The following ARHGAP28 variants were observed in gnomAD, a reference collection of about 807,000 sequenced individuals.
The protein encoded by ARHGAP28 is Rho GTPase activating protein 28.
A neutral mutation model predicts 90.7 loss-of-function variants in ARHGAP28; 56 were observed. That is an observed-to-expected ratio of 0.62 (90% confidence interval 0.50 to 0.77). ARHGAP28 has a LOEUF of 0.77. ARHGAP28 is among the 30% of genes least tolerant of loss of function. The pLI, the probability that ARHGAP28 is intolerant of heterozygous loss-of-function variation, is 0.00. For synonymous variants in ARHGAP28, 308 were observed against 323.3 expected, an observed-to-expected ratio of 0.95 and a Z score of 0.51; for missense variants, 869 against 900.9, an observed-to-expected ratio of 0.96 and a Z score of 0.45.
At chr18:6,853,750 C>T (rs2056929324) in intron 4 of ARHGAP28, among the ~76,000 whole-genome samples, 2 of 152,188 alleles carry the variant, frequency 1.3e-5, no homozygotes, top group South Asian at 4.1e-4. Context: ...CCTGGGATTA[C>T]AGGCATAAGC....
chr18:6,811,566 C>T (rs1313864345), intron 1 of ARHGAP28, among the ~76,000 whole-genome samples: 2 of 152,136 alleles, frequency 1.3e-5, no homozygotes, highest in Non-Finnish European at 1.5e-5. Context: ...CTTAACTAGT[C>T]GTGTTCACTG....
intron 3 of ARHGAP28, among the ~76,000 whole-genome samples, chr18:6,845,656 T>A (rs1166049542): frequency 6.6e-6 from 1 of 152,186 alleles, no homozygotes. Context: ...CTCCCACTTA[T>A]AAGTGAGAAC....
At chr18:6,863,800 T>G (rs867961837) in intron 5 of ARHGAP28, among the ~76,000 whole-genome samples, 2 of 151,604 alleles carry the variant, frequency 1.3e-5, no homozygotes, top group Admixed American at 6.6e-5. Flanking sequence ...TTTTTTTTTT[T>G]TGACGGAGTT....
At chr18:6,758,779 C>T (rs1555624295) in intron 1 of ARHGAP28, among the ~76,000 whole-genome samples, 1 of 152,094 alleles carries the variant, frequency 6.6e-6, no homozygotes, top group Non-Finnish European at 1.5e-5. Context: ...ATTTTTTTCT[C>T]TATCTATTCA....
chr18:6,836,181 A>G (rs1452115423), intron 2 of ARHGAP28: 1 of 152,310 alleles, frequency 6.6e-6, no homozygotes, highest in African/African-American at 2.4e-5. Flanking sequence ...GCCAGGTGAG[A>G]CACAGAGGAG....
intron 1 of ARHGAP28, among the ~76,000 whole-genome samples, chr18:6,775,464 G>A (rs569558124): frequency 4.0e-4 from 61 of 152,232 alleles, no homozygotes; most frequent in African/African-American, 7.5e-4. Flanking sequence ...GGAAGCCTTC[G>A]ATGAAATATT....
chr18:6,760,767 C>A (rs948656912), intron 1 of ARHGAP28, among the ~76,000 whole-genome samples: 1 of 152,194 alleles, frequency 6.6e-6, no homozygotes, highest in South Asian at 2.1e-4. Context: ...ACATTCTGAT[C>A]TTTAATTCAT....
intron 3 of ARHGAP28, among the ~76,000 whole-genome samples, chr18:6,843,691 TG>T (rs2056844629): frequency 6.6e-6 from 1 of 152,366 alleles, no homozygotes; most frequent in South Asian, 2.1e-4. Flanking sequence ...TTTCTTGTGC[TG>T]ATTTTTCAGT....
chr18:6,882,306 G>GAT lies in ARHGAP28; in HGVS notation c.1453+7_1453+8insAT. The GAT allele has an allele frequency of 6.2e-7, 1 of 1,608,844 alleles. No individual in the cohort carries two copies. Among genetic ancestry groups the GAT allele is most frequent in the South Asian group, 1.1e-5 (1 of 89,860 alleles). ...TTCATCAGTCTAATGGAAAGTAGGT[G>GAT]GAAGACGTTATATGTGAATACGCTA... On this transcript the variant is annotated splice_region_variant and intron_variant, in intron 11 of 17. Coordinates refer to ENST00000383472, the MANE Select transcript of ARHGAP28 (RefSeq NM_001366230.1).
At chr18:6,766,610 C>G (rs1444614197) in intron 1 of ARHGAP28, among the ~76,000 whole-genome samples, 2 of 152,164 alleles carry the variant, frequency 1.3e-5, no homozygotes, top group Non-Finnish European at 2.9e-5. Context: ...TGGGGGATCT[C>G]TGTAGGCCTG....
At chr18:6,776,834 T>C (rs896003500) in intron 1 of ARHGAP28, among the ~76,000 whole-genome samples, 8 of 152,160 alleles carry the variant, frequency 5.3e-5, no homozygotes, top group Non-Finnish European at 1.2e-4. Context: ...AATATCTTGT[T>C]CCCCTTGACT....
In ARHGAP28 at chr18:6,890,051, G is replaced by A. The variant is rs781333008; in HGVS notation, c.1700G>A (p.Arg567His). The change falls in exon 13 of 18, where the codon CGC (arginine) becomes CAC (histidine). Residue 567 changes from arginine (R) to histidine (H), a missense_variant. Coordinates refer to ENST00000383472, the MANE Select transcript of ARHGAP28 (RefSeq NM_001366230.1). ...LLANTAAHII[R>H]LMLKYQKILW... ...GCAAACACTGCGGCCCACATCATCC[G>A]CCTAATGCTTAAGTACCAGAAGATT... 2.6e-5 allele frequency: 42 copies of A among 1,614,018 alleles called. No individual in the cohort carries two copies. The highest frequency in any genetic ancestry group is 1.6e-4 in the South Asian group (15 of 91,078).
At chr18:6,795,533 C>T (rs768878594) in intron 1 of ARHGAP28, among the ~76,000 whole-genome samples, 2 of 152,180 alleles carry the variant, frequency 1.3e-5, no homozygotes, top group Non-Finnish European at 2.9e-5. Context: ...TTCTATTTTG[C>T]AGGCCATATG....
intron 7 of ARHGAP28, 37 bp downstream of exon 7, chr18:6,870,769 C>T (rs1441726861): frequency 3.2e-6 from 5 of 1,564,066 alleles, no homozygotes; most frequent in Non-Finnish European, 4.3e-6. Flanking sequence ...CAGGAACTTC[C>T]TGTGACTTCA....
At chr18:6,853,559 G>T (rs969352591) in intron 4 of ARHGAP28, among the ~76,000 whole-genome samples, 4 of 150,546 alleles carry the variant, frequency 2.7e-5, no homozygotes, top group African/African-American at 7.4e-5. Flanking sequence ...TGCAACCTCC[G>T]CCTCCTGAGT....
intron 1 of ARHGAP28, among the ~76,000 whole-genome samples, chr18:6,739,373 G>T (rs553073895): frequency 6.6e-6 from 1 of 151,362 alleles, no homozygotes; most frequent in African/African-American, 2.4e-5. Context: ...CATAGAAGTG[G>T]GTATGAATGG....
At chr18:6,874,306 T>A (rs28688490) in intron 9 of ARHGAP28, among the ~76,000 whole-genome samples, 4,229 of 152,324 alleles carry the variant, frequency 0.028, 190 homozygotes, top group African/African-American at 0.097. Flanking sequence ...CATTTTCCGG[T>A]GTGTCTGGGC....
chr18:6,849,328 T>G (rs1276792001), intron 3 of ARHGAP28, among the ~76,000 whole-genome samples: 1 of 150,708 alleles, frequency 6.6e-6, no homozygotes, highest in African/African-American at 2.4e-5. Flanking sequence ...CTCACTGAGA[T>G]AGAAGAGAAC....
chr18:6,869,133 C>A (rs2057061288), intron 6 of ARHGAP28, among the ~76,000 whole-genome samples: 1 of 152,076 alleles, frequency 6.6e-6, no homozygotes, highest in African/African-American at 2.4e-5. Context: ...TTAATTGCTG[C>A]TCTCCAAAGA....
Sources: gnomAD v4.1 joint callset for allele counts (sites outside exome capture counted in the v4.1 genomes callset) on GRCh38, gnomAD v4.1.1 for gene constraint, MANE v1.5 for transcripts, NCBI Gene and HGNC (gene_info 2026-07-23, HGNC 2026-07-21) for gene names.